Variants in EP300 observed in about 807,000 individuals in gnomAD.
The protein encoded by EP300 is histone acetyltransferase p300.
Under a neutral mutation model 264.0 loss-of-function variants are expected in EP300, and 31 were observed. The ratio of observed to expected loss-of-function variants is 0.12; its 90% CI spans 0.09 to 0.16. The LOEUF is 0.16. Ranked by LOEUF, EP300 falls within the 10% of genes least tolerant of loss-of-function variation. The pLI is 1.00. For missense variants in EP300, 2,766 were observed against 3,052.9 expected (o/e 0.91, Z 2.21); for synonymous variants, 1,340 against 1,045.4 (o/e 1.28, Z -5.44).
chr22:41,136,393 A>T (rs1270175832), intron 7 of EP300, among the ~76,000 whole-genome samples: 1 of 152,202 alleles, frequency 6.6e-6, no homozygotes, highest in African/African-American at 2.4e-5. Flanking sequence ...CACCTTCCCT[A>T]ATACAGTAGG....
chr22:41,175,994 C>G (rs1004367758), intron 29 of EP300: 1 of 516,930 alleles, frequency 1.9e-6, no homozygotes. Flanking sequence ...CTGAGGCAGG[C>G]AGATCACTTG....
At chr22:41,101,159 C>A (rs1031158534) in intron 1 of EP300, among the ~76,000 whole-genome samples, 4 of 152,122 alleles carry the variant, frequency 2.6e-5, no homozygotes, top group Admixed American at 1.3e-4. Context: ...ACTGTAGCCT[C>A]CATCTCCTGG....
At position 41,092,681 on chromosome 22, in the gene EP300, C is replaced by G. The variant is rs2058679002; in HGVS notation, c.-324C>G. On this transcript the variant is annotated 5_prime_UTR_variant, in exon 1 of 31. Transcript: ENST00000263253. ...TCGGCTGGGCAGGGGCCGGCCGTGG[C>G]GGGCCGGGGACTGCGCCTCTAGAGC... 1 of 616,732 alleles carries G rather than the reference C, an allele frequency of 1.6e-6. No homozygotes were observed. Among genetic ancestry groups the G allele is most frequent in the African/African-American group, 1.9e-5 (1 of 53,566 alleles). 38.2% of individuals were successfully genotyped at this position (616,732 alleles called of 1,614,324 possible). A position where few individuals can be genotyped will look rare whatever the true frequency, so the allele number is the denominator to read the frequency against.
At chr22:41,125,301 G>A (rs1012829422) in intron 2 of EP300, among the ~76,000 whole-genome samples, 3 of 151,670 alleles carry the variant, frequency 2.0e-5, no homozygotes, top group Non-Finnish European at 4.4e-5. Context: ...TGTATTTTTA[G>A]TAGAGACGGG....
At chr22:41,145,128 TACTC>T (rs1044828716) in intron 10 of EP300, among the ~76,000 whole-genome samples, 6 of 152,256 alleles carry the variant, frequency 3.9e-5, no homozygotes, top group Non-Finnish European at 7.3e-5. Context: ...AAAAAAAAGT[TACTC>T]ATATCTTAGG....
intron 4 of EP300, 69 bp downstream of exon 4, chr22:41,127,817 C>T (rs1054046196): frequency 6.3e-7 from 1 of 1,591,358 alleles, no homozygotes; most frequent in Non-Finnish European, 8.6e-7. Flanking sequence ...AAAATGTGAT[C>T]AAGTCTATTT....
At chr22:41,154,205 C>T (rs1031679626) in intron 16 of EP300, among the ~76,000 whole-genome samples, 1 of 151,958 alleles carries the variant, frequency 6.6e-6, no homozygotes, top group Admixed American at 6.6e-5. Flanking sequence ...CTCTAAAATA[C>T]CAAGCATTTG....
chr22:41,132,812 A>T (rs530867617), intron 6 of EP300, among the ~76,000 whole-genome samples: 2 of 152,242 alleles, frequency 1.3e-5, no homozygotes, highest in African/African-American at 4.8e-5. Flanking sequence ...GAGAGGGAAG[A>T]GGGAGAAGTG....
chr22:41,119,428 A>G (rs2058840250), intron 2 of EP300, among the ~76,000 whole-genome samples: 1 of 152,080 alleles, frequency 6.6e-6, no homozygotes, highest in African/African-American at 2.4e-5. Flanking sequence ...ATCTAGGAAC[A>G]TAGCTATGAA....
At chr22:41,155,493 C>A (rs1371851984) in intron 17 of EP300, among the ~76,000 whole-genome samples, 1 of 152,150 alleles carries the variant, frequency 6.6e-6, no homozygotes, top group Non-Finnish European at 1.5e-5. Context: ...CTCAGCCTCC[C>A]AGAGTGCTGG....
At chr22:41,119,506 C>T (rs1315564480) in intron 2 of EP300, among the ~76,000 whole-genome samples, 1 of 152,062 alleles carries the variant, frequency 6.6e-6, no homozygotes, top group Admixed American at 6.6e-5. Flanking sequence ...ACAATAAACC[C>T]TCACTGGTGG....
chr22:41,177,521 A>G lies in EP300; in HGVS notation c.5810A>G (p.Glu1937Gly). ...EMAMQIQRAA[E>G]TQRQMAHVQI... ...GCAATGCAGATTCAGAGAGCAGCGGAGACGCAGCGCCAGATGGCCCACGTG... is the reference window on the plus strand; with the variant it reads ...GCAATGCAGATTCAGAGAGCAGCGGGGACGCAGCGCCAGATGGCCCACGTG... The change falls in exon 31 of 31, where the codon GAG becomes GGG. Residue 1937 changes from glutamate to glycine, a missense_variant. Physicochemically the swap from Glu to Gly is moderately conservative, Grantham distance 98. Transcript: ENST00000263253. 1 of 1,614,192 alleles carries G rather than the reference A, an allele frequency of 6.2e-7. No individual in the cohort carries two copies. The highest frequency in any genetic ancestry group is 8.5e-7 in the Non-Finnish European group (1 of 1,180,024).
intron 18 of EP300, among the ~76,000 whole-genome samples, 194 bp downstream of exon 18, chr22:41,157,602 CA>C (rs1465889518): frequency 4.1e-5 from 6 of 145,744 alleles, no homozygotes; most frequent in Non-Finnish European, 8.9e-5. Context: ...ACTGCAGCTT[CA>C]ACCTCCTGGG....
At chr22:41,135,748 A>G (rs1204306666) in intron 6 of EP300, 65 bp from the exon 7 acceptor site, 2 of 1,211,400 alleles carry the variant, frequency 1.7e-6, no homozygotes, top group Admixed American at 1.7e-5. Context: ...TCTTAACTTT[A>G]TAGTATTTAT....
intron 27 of EP300, 82 bp downstream of exon 27, chr22:41,170,653 C>CTTTTT (rs35506286): frequency 8.4e-4 from 327 of 391,284 alleles, no homozygotes; most frequent in African/African-American, 2.2e-3. Flanking sequence ...TGTCATTTAA[C>CTTTTT]TTTTTTTTTT....
chr22:41,100,340 C>T (rs144291612), intron 1 of EP300, among the ~76,000 whole-genome samples: 1 of 152,100 alleles, frequency 6.6e-6, no homozygotes, highest in African/African-American at 2.4e-5. Context: ...AGGATGAACT[C>T]CTGTATAGAT....
intron 17 of EP300, among the ~76,000 whole-genome samples, chr22:41,156,135 T>C (rs1188438436): frequency 6.6e-6 from 1 of 152,048 alleles, no homozygotes; most frequent in Non-Finnish European, 1.5e-5. Context: ...CCTCTCAGCC[T>C]CCCGAGTAGC....
chr22:41,171,537 A>G (rs1005886321), intron 27 of EP300, among the ~76,000 whole-genome samples: 1 of 151,926 alleles, frequency 6.6e-6, no homozygotes, highest in Non-Finnish European at 1.5e-5. Context: ...GGATGTCACC[A>G]TGTTGCCCAG....
At position 41,178,277 on chromosome 22, in the gene EP300, TGCAACA is replaced by T. The variant is rs1569122179; in HGVS notation, c.6570_6575del (p.Gln2194_Gln2195del). ...GACATCTTGAGACGACAGCAAATGA[TGCAACA>T]GCAGCAGCAACAGGGAGCAGGGCCA... On this transcript the variant is annotated inframe_deletion, in exon 31 of 31. Coordinates refer to ENST00000263253, the MANE Select transcript of EP300 (RefSeq NM_001429.4). 6.2e-7 allele frequency: 1 copy of T among 1,613,900 alleles called. No individual in the cohort carries two copies. The highest frequency in any genetic ancestry group is 1.3e-5 in the African/African-American group (1 of 74,866).
Sources: gnomAD v4.1 joint callset for allele counts (sites outside exome capture counted in the v4.1 genomes callset) on GRCh38, gnomAD v4.1.1 for gene constraint, MANE v1.5 for transcripts, NCBI Gene and HGNC (gene_info 2026-07-23, HGNC 2026-07-21) for gene names.